TRPM1: variants seen among roughly 807,000 people sequenced by gnomAD.
The protein encoded by TRPM1 is transient receptor potential cation channel subfamily M member 1.
A neutral mutation model predicts 149.4 loss-of-function variants in TRPM1; 113 were observed. The ratio of observed to expected loss-of-function variants is 0.76; its 90% CI spans 0.65 to 0.88. TRPM1 has a LOEUF of 0.88. Ranked by LOEUF, TRPM1 falls within the 40% of genes least tolerant of loss-of-function variation. The pLI is 0.00. For missense variants in TRPM1, 1,976 were observed against 2,038.7 expected (o/e 0.97, Z 0.59); for synonymous variants, 741 against 759.5 (o/e 0.98, Z 0.40).
At chr15:31,069,766 G>C (rs1026280347) in intron 4 of TRPM1, 2 of 1,448,628 alleles carry the variant, frequency 1.4e-6, no homozygotes, top group Admixed American at 2.8e-5. Context: ...GTGTTTGCAG[G>C]GTTGGGCCAG....
intron 1 of TRPM1, among the ~76,000 whole-genome samples, chr15:31,088,802 T>TG (rs57567619): frequency 0.085 from 12,720 of 150,258 alleles, 1,563 homozygotes; most frequent in African/African-American, 0.27. Context: ...TTCTTTCTGC[T>TG]GGGGGGATGC....
chr15:31,054,958 C>A (rs2034044811), intron 11 of TRPM1, among the ~76,000 whole-genome samples: 1 of 152,154 alleles, frequency 6.6e-6, no homozygotes, highest in South Asian at 2.1e-4. Flanking sequence ...CTTCTGATAA[C>A]CACATCATAC....
At chr15:31,061,952 T>G (rs2034245656) in intron 9 of TRPM1, among the ~76,000 whole-genome samples, 1 of 152,150 alleles carries the variant, frequency 6.6e-6, no homozygotes, top group Non-Finnish European at 1.5e-5. Flanking sequence ...CCCCCCAAAG[T>G]GCTGGGATTA....
intron 1 of TRPM1, among the ~76,000 whole-genome samples, chr15:31,111,091 T>C (rs1464366015): frequency 2.6e-5 from 4 of 152,190 alleles, no homozygotes; most frequent in Non-Finnish European, 5.9e-5. Flanking sequence ...AGTGACTCTG[T>C]AGTGGAGATA....
At chr15:31,044,780 CAAAAAAA>C (rs58619377) in intron 16 of TRPM1, among the ~76,000 whole-genome samples, 1 of 69,530 alleles carries the variant, frequency 1.4e-5, no homozygotes, top group Non-Finnish European at 3.0e-5. Flanking sequence ...GACTCCTACT[CAAAAAAA>C]AAAAAAAAAA....
chr15:31,073,866 G>C (rs1384262056), intron 3 of TRPM1, among the ~76,000 whole-genome samples: 1 of 151,976 alleles, frequency 6.6e-6, no homozygotes, highest in Non-Finnish European at 1.5e-5. Context: ...ATCGGGTTGA[G>C]GAAGTTCCCT....
intron 3 of TRPM1, among the ~76,000 whole-genome samples, chr15:31,071,650 A>G (rs1358859842): frequency 6.6e-6 from 1 of 151,764 alleles, no homozygotes; most frequent in Non-Finnish European, 1.5e-5. Context: ...TTCATGTAAT[A>G]CATAATCAAC....
chr15:31,124,893 G>T (rs2035927471), intron 1 of TRPM1, among the ~76,000 whole-genome samples: 1 of 152,168 alleles, frequency 6.6e-6, no homozygotes, highest in South Asian at 2.1e-4. Context: ...CTAAGAATGG[G>T]CTGGGCGCAG....
At chr15:31,160,850 G>A (rs2036435121) in intron 1 of TRPM1, 7 of 1,516,588 alleles carry the variant, frequency 4.6e-6, no homozygotes, top group Non-Finnish European at 5.3e-6. Context: ...CTGGAGACCA[G>A]TGTCCCTCTG....
chr15:31,105,510 CATG>C (rs1436317734), upstream of TRPM1, among the ~76,000 whole-genome samples: 1 of 151,972 alleles, frequency 6.6e-6, no homozygotes, highest in Admixed American at 6.6e-5. Context: ...GAAAATGCAT[CATG>C]ATAATTTTCA....
At chr15:31,116,245 T>C (rs2035796236) in intron 1 of TRPM1, among the ~76,000 whole-genome samples, 1 of 151,930 alleles carries the variant, frequency 6.6e-6, no homozygotes, top group Non-Finnish European at 1.5e-5. Flanking sequence ...CTCACATAAG[T>C]TGGGGAAAAG....
chr15:31,068,804 T>A (rs2034453150), intron 4 of TRPM1, among the ~76,000 whole-genome samples: 4 of 149,472 alleles, frequency 2.7e-5, no homozygotes. Context: ...GCTTCTGCCA[T>A]GTGAGGACAC....
chr15:31,069,935 A>G (rs2034485561), intron 4 of TRPM1, 96 bp downstream of exon 4: 1 of 1,612,000 alleles, frequency 6.2e-7, no homozygotes, highest in Admixed American at 1.7e-5. Flanking sequence ...AGCCACAGCC[A>G]TGAAGAAGAC....
intron 1 of TRPM1, among the ~76,000 whole-genome samples, chr15:31,129,494 T>C (rs1362623390): frequency 1.3e-5 from 2 of 152,190 alleles, no homozygotes; most frequent in Non-Finnish European, 2.9e-5. Flanking sequence ...AGTGCCGACC[T>C]GATACTCAGC....
intron 16 of TRPM1, among the ~76,000 whole-genome samples, chr15:31,044,891 A>G (rs2033721220): frequency 6.6e-6 from 1 of 152,144 alleles, no homozygotes; most frequent in African/African-American, 2.4e-5. Flanking sequence ...AGGGAACTTG[A>G]AAGTCTAGAT....
At chr15:31,071,978 A>AAAAT (rs1567034341) in intron 3 of TRPM1, among the ~76,000 whole-genome samples, 1 of 62,382 alleles carries the variant, frequency 1.6e-5, no homozygotes, top group Non-Finnish European at 2.9e-5. Context: ...AAAAAAAAAA[A>AAAAT]ACATATATAT....
At chr15:31,030,751 G>A (rs1323399682) in intron 23 of TRPM1, among the ~76,000 whole-genome samples, 1 of 152,190 alleles carries the variant, frequency 6.6e-6, no homozygotes, top group East Asian at 1.9e-4. Flanking sequence ...TGTCCATCAG[G>A]TCCAGCTCAA....
At chr15:31,003,220 G>A (rs1336932858) in intron 27 of TRPM1, 150 bp from the exon 28 acceptor site, 1 of 704,100 alleles carries the variant, frequency 1.4e-6, no homozygotes, top group Non-Finnish European at 2.3e-6. Context: ...CCCCTAACAT[G>A]ACTACTCGAA....
chr15:31,039,978 A>C, intron 18 of TRPM1, 140 bp downstream of exon 18: 3 of 763,720 alleles, frequency 3.9e-6, no homozygotes, highest in Non-Finnish European at 4.5e-6. Context: ...CATCTATAAG[A>C]CAATGATTGT....
Sources: gnomAD v4.1 joint callset for allele counts (sites outside exome capture counted in the v4.1 genomes callset) on GRCh38, gnomAD v4.1.1 for gene constraint, MANE v1.5 for transcripts, NCBI Gene and HGNC (gene_info 2026-07-23, HGNC 2026-07-21) for gene names.